Variants in SCAPER observed in about 807,000 individuals in gnomAD.
SCAPER encodes S-phase cyclin A associated protein in the ER, also known as S phase cyclin A-associated protein in the endoplasmic reticulum.
A neutral mutation model predicts 182.2 loss-of-function variants in SCAPER; 98 were observed. The observed-to-expected ratio is 0.54, with a 90% CI of 0.46 to 0.64. SCAPER has a LOEUF of 0.64. SCAPER is among the 30% of genes least tolerant of loss of function. The pLI is 0.00. For synonymous variants in SCAPER, 605 were observed against 564.6 expected (o/e 1.07, Z -1.01); for missense variants, 1,432 against 1,690.0 (o/e 0.85, Z 2.68).
rs1418132542 is a variant in SCAPER, at chr15:76,404,527, C to T, written c.3464G>A (p.Gly1155Glu). Residue 1155 changes from glycine to glutamate, a missense_variant, in exon 27 of 32, where the codon GGA (glycine) becomes GAA (glutamate). By Grantham distance (98) the Gly-to-Glu change is moderately conservative (BLOSUM62 -2). Around this residue, in one of 5 missense-constraint regions of SCAPER, gnomAD observed 718 missense variants for 799.7 expected, o/e 0.90. Transcript: ENST00000563290. ...TGAGATCAAGTAGATGCCTTACCTT[C>T]CAGTGACAGCAAAGCACAGTGTACA... ...AMCTLCFAVT[G>E]RSYSIFDNNR... The T allele has an allele frequency of 3.1e-6, 5 of 1,598,008 alleles. No individual in the cohort carries two copies. The highest frequency in any genetic ancestry group is 2.6e-6 in the Non-Finnish European group (3 of 1,169,884).
Position 76,471,220 on chromosome 15 carries a change from G to A in SCAPER, c.3070C>T (p.Gln1024Ter). ...ITFLMDLLIH[Q>*]LTVYVPDENN... ...GCAATAATATTACATACCGTCAACT[G>A]GTGTATCAGGAGGTCCATTAAGAAG... Residue 1024 changes from glutamine to a stop codon, truncating the protein, a stop_gained, in exon 25 of 32, where the codon CAG becomes TAG. Transcript: ENST00000563290. LOFTEE classifies it high-confidence loss of function. 1 of 1,605,928 alleles carries A rather than the reference G, an allele frequency of 6.2e-7. No individual in the cohort carries two copies. Among genetic ancestry groups the A allele is most frequent in the Non-Finnish European group, 8.5e-7 (1 of 1,176,742 alleles).
chr15:76,645,395 T>C (rs1190096779), intron 21 of SCAPER, among the ~76,000 whole-genome samples: 5 of 152,208 alleles, frequency 3.3e-5, no homozygotes, highest in African/African-American at 9.6e-5. Context: ...CCTAAACTTT[T>C]ATCCTAGTTT....
intron 22 of SCAPER, among the ~76,000 whole-genome samples, chr15:76,615,579 G>T (rs1194532366): frequency 6.6e-6 from 1 of 151,248 alleles, no homozygotes; most frequent in Non-Finnish European, 1.5e-5. Context: ...CCAGCACTTT[G>T]GGACACCGAG....
intron 21 of SCAPER, among the ~76,000 whole-genome samples, chr15:76,644,365 G>C (rs2054362049): frequency 6.6e-6 from 1 of 152,108 alleles, no homozygotes; most frequent in Non-Finnish European, 1.5e-5. Flanking sequence ...TGTTATTCAT[G>C]TGAACAAATA....
intron 21 of SCAPER, among the ~76,000 whole-genome samples, chr15:76,626,585 C>T (rs62026890): frequency 0.067 from 10,175 of 152,114 alleles, 379 homozygotes; most frequent in Middle Eastern, 0.11. Context: ...GGTGTGGTGG[C>T]GCACGCCTGT....
At chr15:76,824,338 G>A (rs1256818782) in intron 5 of SCAPER, among the ~76,000 whole-genome samples, 1 of 152,230 alleles carries the variant, frequency 6.6e-6, no homozygotes, top group Non-Finnish European at 1.5e-5. Context: ...CTGGCGCACA[G>A]AGCAGGAAGG....
At chr15:76,655,976 C>T (rs913293385) in intron 21 of SCAPER, among the ~76,000 whole-genome samples, 5 of 152,142 alleles carry the variant, frequency 3.3e-5, no homozygotes, top group Non-Finnish European at 7.4e-5. Flanking sequence ...ATGTAGGCCA[C>T]TAACACTATA....
chr15:76,772,899 A>C (rs2151324404), intron 9 of SCAPER, among the ~76,000 whole-genome samples: 1 of 152,022 alleles, frequency 6.6e-6, no homozygotes, highest in Non-Finnish European at 1.5e-5. Flanking sequence ...TGCAGTGGCC[A>C]TAAACCTCCC....
At chr15:76,792,222 C>T (rs549834159) in intron 8 of SCAPER, among the ~76,000 whole-genome samples, 4 of 152,168 alleles carry the variant, frequency 2.6e-5, no homozygotes, top group Admixed American at 2.6e-4. Flanking sequence ...TCACTTCTTC[C>T]TCCAGCCCTC....
chr15:76,753,161 C>A (rs552721287), intron 15 of SCAPER, among the ~76,000 whole-genome samples: 2 of 151,782 alleles, frequency 1.3e-5, no homozygotes, highest in Non-Finnish European at 3.0e-5. Context: ...AAGATGTATA[C>A]ATGAATTGCC....
intron 20 of SCAPER, among the ~76,000 whole-genome samples, chr15:76,687,306 T>A (rs1032774511): frequency 1.8e-4 from 27 of 152,248 alleles, no homozygotes; most frequent in African/African-American, 6.5e-4. Context: ...CTTAAAATGT[T>A]ACAATATATT....
intron 23 of SCAPER, among the ~76,000 whole-genome samples, chr15:76,508,115 C>T (rs2041747305): frequency 2.6e-5 from 4 of 152,120 alleles, no homozygotes; most frequent in Admixed American, 2.0e-4. Context: ...AAAGGTTATC[C>T]TGACTTTTAA....
chr15:76,375,972 G>A (rs542500813), intron 29 of SCAPER, among the ~76,000 whole-genome samples, 190 bp downstream of exon 29: 4 of 152,296 alleles, frequency 2.6e-5, no homozygotes, highest in South Asian at 2.1e-4. Flanking sequence ...GTGATAGAGC[G>A]AGCCTCTGTC....
chr15:76,764,331 G>A (rs1050540040), intron 14 of SCAPER, among the ~76,000 whole-genome samples: 1 of 152,234 alleles, frequency 6.6e-6, no homozygotes, highest in African/African-American at 2.4e-5. Flanking sequence ...GTGGCTGCCA[G>A]CAGCACCTCT....
At chr15:76,749,777 C>A (rs1731672765) in intron 15 of SCAPER, among the ~76,000 whole-genome samples, 1 of 151,950 alleles carries the variant, frequency 6.6e-6, no homozygotes, top group Admixed American at 6.6e-5. Flanking sequence ...TGCTCAATAT[C>A]ATTAAGATGT....
At chr15:76,674,259 ACAAT>A (rs2057229363) in intron 20 of SCAPER, among the ~76,000 whole-genome samples, 1 of 152,208 alleles carries the variant, frequency 6.6e-6, no homozygotes, top group African/African-American at 2.4e-5. Flanking sequence ...AAAATAAAAA[ACAAT>A]CAAACATTAT....
Position 76,842,958 on chromosome 15 carries a change from A to C in SCAPER, c.196-1027T>G, listed in dbSNP as rs537631734. Among the ~76,000 whole-genome samples the C allele has an allele frequency of 3.3e-5, 5 of 152,304 alleles. No individual in the cohort carries two copies. In the East Asian group the frequency reaches 9.6e-4, roughly 29 times the overall value. On this transcript the variant is annotated intron_variant, in intron 4 of 31. Transcript: ENST00000563290. The stretch of plus-strand genomic sequence containing the variant: ...ATTCAAAGTTAAAATTAACTTAGGA[A>C]GTTTCCTGAATTATACTTCCTTCCC...
chr15:76,429,846 C>T (rs937466683), intron 26 of SCAPER, among the ~76,000 whole-genome samples: 8 of 152,060 alleles, frequency 5.3e-5, no homozygotes, highest in Non-Finnish European at 1.0e-4. Context: ...AATGTTAATC[C>T]CCAAGACAAT....
chr15:76,442,755 G>A (rs540566530), intron 25 of SCAPER, among the ~76,000 whole-genome samples: 6 of 152,252 alleles, frequency 3.9e-5, no homozygotes, highest in Admixed American at 1.3e-4. Context: ...AAATAATGTA[G>A]CAGCTTCTCA....
Sources: allele counts gnomAD v4.1 joint callset (sites outside exome capture counted in the v4.1 genomes callset), GRCh38; gene constraint gnomAD v4.1.1; regional missense constraint gnomAD v4.1.1; transcripts MANE v1.5; gene names NCBI Gene and HGNC (gene_info 2026-07-23, HGNC 2026-07-21).